Variants in HS3ST5 observed in about 807,000 individuals in gnomAD.
The protein encoded by HS3ST5 is heparan sulfate glucosamine 3-O-sulfotransferase 5.
In HS3ST5, 10 loss-of-function variants were observed where a neutral mutation model predicts 25.4. The ratio of observed to expected loss-of-function variants is 0.39; its 90% CI spans 0.24 to 0.67. The LOEUF (loss-of-function observed/expected upper bound fraction) is 0.67. Ranked by LOEUF, HS3ST5 falls within the 30% of genes least tolerant of loss-of-function variation. The pLI, the probability that HS3ST5 is intolerant of heterozygous loss-of-function variation, is 0.44. For missense variants in HS3ST5, 324 were observed against 420.7 expected (o/e 0.77, Z 2.01); for synonymous variants, 170 against 162.4 (o/e 1.05, Z -0.36).
At chr6:114,207,793 T>G (rs1781341864) in intron 2 of HS3ST5, among the ~76,000 whole-genome samples, 1 of 152,220 alleles carries the variant, frequency 6.6e-6, no homozygotes, top group Non-Finnish European at 1.5e-5. Flanking sequence ...ACTATTATAC[T>G]ATTAACATAC....
Position 114,090,728 on chromosome 6 carries a change from C to T in HS3ST5, c.-32-27851G>A, listed in dbSNP as rs545308744. On this transcript the variant is annotated intron_variant, in intron 3 of 4. Transcript: ENST00000312719. ...AGCAATTCCTTTTCAACTTGCATCACGAAATCCTTAGTGTTAAAAATGAGT... is the reference window on the plus strand; with the variant it reads ...AGCAATTCCTTTTCAACTTGCATCATGAAATCCTTAGTGTTAAAAATGAGT... Among the ~76,000 whole-genome samples, 6 of 152,242 alleles carry T rather than the reference C, an allele frequency of 3.9e-5. No homozygotes were observed. The South Asian group carries it at 1.0e-3, about 26-fold the overall frequency.
chr6:114,233,474 A>C (rs1242921405), intron 1 of HS3ST5, among the ~76,000 whole-genome samples: 1 of 152,178 alleles, frequency 6.6e-6, no homozygotes, highest in Non-Finnish European at 1.5e-5. Context: ...AAAAGGTAGT[A>C]AAAAATAGAA....
chr6:114,189,366 T>A (rs1038930750), intron 2 of HS3ST5, among the ~76,000 whole-genome samples: 1 of 152,088 alleles, frequency 6.6e-6, no homozygotes, highest in Admixed American at 6.6e-5. Context: ...TCTATTTTTA[T>A]TCAGTGTGCT....
At chr6:114,193,613 G>A (rs1780605782) in intron 2 of HS3ST5, among the ~76,000 whole-genome samples, 2 of 152,216 alleles carry the variant, frequency 1.3e-5, no homozygotes, top group African/African-American at 4.8e-5. Flanking sequence ...TATATAATAG[G>A]AAAAGAAACA....
intron 3 of HS3ST5, among the ~76,000 whole-genome samples, chr6:114,136,128 A>G (rs529528054): frequency 3.9e-5 from 6 of 152,326 alleles, no homozygotes; most frequent in Admixed American, 3.3e-4. Flanking sequence ...TTAGATTACA[A>G]ACCTCACAAA....
chr6:114,073,309 A>G (rs4296918), intron 3 of HS3ST5, among the ~76,000 whole-genome samples: 35,095 of 152,208 alleles, frequency 0.23, 4,321 homozygotes, highest in Non-Finnish European at 0.25. Flanking sequence ...ATTAAACTAA[A>G]GAGCTTCTGC....
At chr6:114,147,778 A>C (rs1778241601) in intron 3 of HS3ST5, among the ~76,000 whole-genome samples, 1 of 152,004 alleles carries the variant, frequency 6.6e-6, no homozygotes, top group Admixed American at 6.5e-5. Flanking sequence ...ACAGGGTTTT[A>C]CCATGTTGGC....
chr6:114,257,515 C>T (rs1313100633), intron 1 of HS3ST5, among the ~76,000 whole-genome samples: 1 of 152,034 alleles, frequency 6.6e-6, no homozygotes, highest in Non-Finnish European at 1.5e-5. Flanking sequence ...CTGGGTTCAC[C>T]ATTTGGCTTG....
Position 114,130,563 on chromosome 6 carries a change from G to T in HS3ST5, c.-33+37788C>A, listed in dbSNP as rs142204849. ...GATCAGCCTGGGAAATACAGACCCT[G>T]TTGTTACAATTTTTTTTTCTTTTTG... On this transcript the variant is annotated intron_variant, in intron 3 of 4. Coordinates refer to ENST00000312719, the MANE Select transcript of HS3ST5 (RefSeq NM_153612.4). Among the ~76,000 whole-genome samples, 645 of 152,132 alleles carry T rather than the reference G, an allele frequency of 4.2e-3. 2 individuals are homozygous for T. Among genetic ancestry groups the T allele is most frequent in the Non-Finnish European group, 7.1e-3 (484 of 67,976 alleles).
At chr6:114,266,934 T>C (rs1050244952) in intron 1 of HS3ST5, among the ~76,000 whole-genome samples, 10 of 152,214 alleles carry the variant, frequency 6.6e-5, no homozygotes, top group Admixed American at 5.2e-4. Flanking sequence ...AGATACACTT[T>C]TTGGTACCTG....
intron 1 of HS3ST5, among the ~76,000 whole-genome samples, chr6:114,278,094 C>T (rs1439900573): frequency 6.6e-6 from 1 of 152,056 alleles, no homozygotes; most frequent in South Asian, 2.1e-4. Context: ...TGACTGACAG[C>T]TGCTTCCTGA....
chr6:114,203,530 C>T (rs1257789467), intron 2 of HS3ST5, among the ~76,000 whole-genome samples: 1 of 152,142 alleles, frequency 6.6e-6, no homozygotes, highest in Non-Finnish European at 1.5e-5. Flanking sequence ...TCATTATTGT[C>T]AAATAGTGTC....
At chr6:114,301,132 C>A (rs753825788) in intron 1 of HS3ST5, among the ~76,000 whole-genome samples, 2 of 152,120 alleles carry the variant, frequency 1.3e-5, no homozygotes, top group African/African-American at 2.4e-5. Flanking sequence ...CTAAAAACTG[C>A]TGAACTGTAT....
intron 3 of HS3ST5, among the ~76,000 whole-genome samples, chr6:114,068,499 A>T (rs571588036): frequency 7.9e-5 from 12 of 152,154 alleles, no homozygotes; most frequent in Non-Finnish European, 1.3e-4. Flanking sequence ...ATCTGCCAGG[A>T]TGGTGTCTTA....
At chr6:114,269,787 A>G (rs1391523940) in intron 1 of HS3ST5, among the ~76,000 whole-genome samples, 1 of 152,186 alleles carries the variant, frequency 6.6e-6, no homozygotes, top group Non-Finnish European at 1.5e-5. Context: ...AGACTAGAAG[A>G]TCCTTGGAGA....
At chr6:114,256,303 G>T (rs1465216586) in intron 1 of HS3ST5, among the ~76,000 whole-genome samples, 1 of 151,604 alleles carries the variant, frequency 6.6e-6, no homozygotes, top group Non-Finnish European at 1.5e-5. Flanking sequence ...CAGGAGAATG[G>T]CGTGAACCCG....
intron 1 of HS3ST5, among the ~76,000 whole-genome samples, chr6:114,252,085 G>T (rs1157564602): frequency 6.6e-6 from 1 of 151,970 alleles, no homozygotes; most frequent in East Asian, 1.9e-4. Flanking sequence ...GCCCTAACTG[G>T]CAATTCACTT....
intron 1 of HS3ST5, among the ~76,000 whole-genome samples, chr6:114,229,203 T>G (rs958005725): frequency 1.3e-5 from 2 of 152,216 alleles, no homozygotes; most frequent in African/African-American, 4.8e-5. Context: ...TTTGCTATAT[T>G]TCCTTTCACA....
chr6:114,105,933 C>G (rs1287823508), intron 3 of HS3ST5, among the ~76,000 whole-genome samples: 1 of 152,098 alleles, frequency 6.6e-6, no homozygotes, highest in Non-Finnish European at 1.5e-5. Flanking sequence ...TGTTCTTTTA[C>G]AAATGGATTT....
Sources: allele counts gnomAD v4.1 joint callset (sites outside exome capture counted in the v4.1 genomes callset), GRCh38; gene constraint gnomAD v4.1.1; transcripts MANE v1.5; gene names NCBI Gene and HGNC (gene_info 2026-07-23, HGNC 2026-07-21).